The following RHOBTB1 variants were observed in gnomAD, a reference collection of about 807,000 sequenced individuals.
RHOBTB1 encodes Rho related BTB domain containing 1.
A neutral mutation model predicts 71.6 loss-of-function variants in RHOBTB1; 40 were observed. The observed-to-expected ratio is 0.56, with a 90% CI of 0.43 to 0.73. The LOEUF (loss-of-function observed/expected upper bound fraction) is 0.73. Among genes scored for constraint, RHOBTB1 ranks in the 30% least tolerant of loss-of-function variants. The pLI, the probability that RHOBTB1 is intolerant of heterozygous loss-of-function variation, is 0.00. For missense variants in RHOBTB1, 797 were observed against 894.0 expected, an observed-to-expected ratio of 0.89 and a Z score of 1.38; for synonymous variants, 319 against 334.9, an observed-to-expected ratio of 0.95 and a Z score of 0.52.
At chr10:60,861,951 C>A in the RHOBTB1 span, among the ~76,000 whole-genome samples, 1 of 152,174 alleles carries the variant, frequency 6.6e-6, no homozygotes, top group Admixed American at 6.5e-5. Context: ...CTGCAGCTGG[C>A]AGGGTTGCTT....
Position 60,889,114 on chromosome 10 carries a change from T to G in RHOBTB1, c.554A>C (p.Tyr185Ser). The change falls in exon 6 of 11, where the codon TAC becomes TCC. Residue 185 changes from tyrosine (Y) to serine (S), a missense_variant. Physicochemically the swap from Tyr to Ser is moderately radical, Grantham distance 144. Coordinates refer to ENST00000337910, the MANE Select transcript of RHOBTB1 (RefSeq NM_014836.5). ...REVAKELGLP[Y>S]YETSVFDQFG... ...CTGGTCAAACACGCTTGTTTCATAG[T>G]ATGGTAAGCCAAGTTCCTTTGCTAC... 6.2e-7 allele frequency: 1 copy of G among 1,614,156 alleles called. No individual in the cohort carries two copies. Among genetic ancestry groups the G allele is most frequent in the East Asian group, 2.2e-5 (1 of 44,880 alleles).
intron 4 of RHOBTB1, among the ~76,000 whole-genome samples, chr10:60,902,483 G>A (rs1477651538): frequency 2.0e-5 from 3 of 152,010 alleles, no homozygotes; most frequent in Non-Finnish European, 4.4e-5. Context: ...GATACCCAGA[G>A]GAGAAACAAC....
the RHOBTB1 span, among the ~76,000 whole-genome samples, chr10:60,863,707 AT>A: frequency 6.6e-6 from 1 of 151,808 alleles, no homozygotes; most frequent in Non-Finnish European, 1.5e-5. Flanking sequence ...TAATTTTTGT[AT>A]TTTTGGTAGA....
intron 4 of RHOBTB1, among the ~76,000 whole-genome samples, chr10:60,907,880 G>T (rs2133297893): frequency 6.6e-6 from 1 of 152,222 alleles, no homozygotes; most frequent in African/African-American, 2.4e-5. Flanking sequence ...CTCACTTGTT[G>T]GGCAAATTTA....
intron 1 of RHOBTB1, among the ~76,000 whole-genome samples, chr10:60,995,980 CACCAA>C (rs555430361): frequency 1.3e-5 from 2 of 152,216 alleles, no homozygotes; most frequent in East Asian, 3.9e-4. Context: ...CTGTGCTAAG[CACCAA>C]ACAACTTCAT....
intron 2 of RHOBTB1, among the ~76,000 whole-genome samples, chr10:60,972,079 A>G (rs1434181504): frequency 1.3e-5 from 2 of 152,200 alleles, no homozygotes; most frequent in Non-Finnish European, 2.9e-5. Flanking sequence ...GAATGCTTTT[A>G]CATTGTTGGT....
intron 4 of RHOBTB1, among the ~76,000 whole-genome samples, chr10:60,908,672 A>T (rs1391359021): frequency 6.6e-6 from 1 of 152,208 alleles, no homozygotes; most frequent in Non-Finnish European, 1.5e-5. Context: ...TTTCCATAAA[A>T]ATGTAACTTT....
At chr10:60,885,442 C>T (rs2081524775) in intron 7 of RHOBTB1, among the ~76,000 whole-genome samples, 1 of 152,170 alleles carries the variant, frequency 6.6e-6, no homozygotes, top group South Asian at 2.1e-4. Flanking sequence ...TCCGCTAGAC[C>T]TAAGTACCTT....
chr10:60,889,155 T>A lies in RHOBTB1; in HGVS notation c.513A>T (p.Pro171=), dbSNP rs747745633. ...RPIKRGDILP[P]EKGREVAKEL... ...CCTTTGCTACCTCTCGGCCTTTTTC[T>A]GGGGGCAAAATATCCCCTCTCTTTA... The change falls in exon 6 of 11, where the codon CCA becomes CCT. Residue 171 remains proline (P), a synonymous_variant. Transcript: ENST00000337910. The A allele has an allele frequency of 1.2e-6, 2 of 1,612,714 alleles. No homozygotes were observed. The highest frequency in any genetic ancestry group is 3.3e-5 in the Admixed American group (2 of 59,890).
chr10:60,871,798 C>T, intron 10 of RHOBTB1, 147 bp from the exon 11 acceptor site: 1 of 713,280 alleles, frequency 1.4e-6, no homozygotes, highest in Non-Finnish European at 2.3e-6. Flanking sequence ...AAAGGTGACA[C>T]TAACGTTCTG....
intron 2 of RHOBTB1, among the ~76,000 whole-genome samples, chr10:60,936,155 C>T (rs1367043526): frequency 2.0e-5 from 3 of 152,166 alleles, no homozygotes; most frequent in African/African-American, 7.2e-5. Flanking sequence ...GAGTAGAGTT[C>T]TGACGTACGT....
chr10:60,997,027 A>G (rs1364915198), intron 1 of RHOBTB1, among the ~76,000 whole-genome samples: 1 of 151,152 alleles, frequency 6.6e-6, no homozygotes, highest in African/African-American at 2.4e-5. Flanking sequence ...GCTTGATTTG[A>G]GCCAATATCA....
chr10:60,875,202 G>T (rs972748135), intron 8 of RHOBTB1, among the ~76,000 whole-genome samples, 160 bp from the exon 9 acceptor site: 2 of 152,128 alleles, frequency 1.3e-5, no homozygotes, highest in Non-Finnish European at 2.9e-5. Flanking sequence ...CTGATGTGTG[G>T]TCTTTCACTA....
chr10:60,886,725 GGT>G (rs1279948035), intron 6 of RHOBTB1, among the ~76,000 whole-genome samples: 11 of 140,412 alleles, frequency 7.8e-5, no homozygotes, highest in East Asian at 5.0e-4. Flanking sequence ...TGTGGGGGGG[GGT>G]GGGTCTGGCT....
Position 60,889,010 on chromosome 10 carries a change from G to T in RHOBTB1, c.658C>A (p.His220Asn), listed in dbSNP as rs2081768837. 1 of 1,613,968 alleles carries T rather than the reference G, an allele frequency of 6.2e-7. No homozygotes were observed. Among genetic ancestry groups the T allele is most frequent in the African/African-American group, 1.3e-5 (1 of 74,892 alleles). ...AAAGGTTTCTGGACTTTCTTTAGGTGGGATTTCCAGAATTGCAGGTGCCTG... is the reference window on the plus strand; with the variant it reads ...AAAGGTTTCTGGACTTTCTTTAGGTTGGATTTCCAGAATTGCAGGTGCCTG... ...SRRHLQFWKSHLKKVQKPLLQ... is the reference protein window; with the variant it reads ...SRRHLQFWKSNLKKVQKPLLQ... The change falls in exon 6 of 11, where the codon CAC (histidine) becomes AAC (asparagine). Residue 220 changes from histidine to asparagine, a missense_variant. Coordinates refer to ENST00000337910, the MANE Select transcript of RHOBTB1 (RefSeq NM_014836.5).
chr10:60,863,293 G>C, the RHOBTB1 span, among the ~76,000 whole-genome samples: 1 of 151,932 alleles, frequency 6.6e-6, no homozygotes, highest in Non-Finnish European at 1.5e-5. Flanking sequence ...TTATGTTTTA[G>C]GTTCTATAAC....
At position 60,975,822 on chromosome 10, in the gene RHOBTB1, T is replaced by C. The variant is rs923968597; in HGVS notation, c.-62+10023A>G. 1.5e-3 allele frequency among the ~76,000 whole-genome samples: 222 copies of C among 152,174 alleles called. 2 individuals carry two copies. The highest frequency in any genetic ancestry group is 0.014 in the Admixed American group (216 of 15,254). ...AATGAAAACAGAAACACTGTAATAA[T>C]GGGTTCTGAGATTACAAAACTGAGA... On this transcript the variant is annotated intron_variant, in intron 2 of 11. Transcript: ENST00000357917.
Position 60,932,392 on chromosome 10 carries a change from A to G in RHOBTB1, c.-11+9412T>C, listed in dbSNP as rs1449506043. 9.2e-5 allele frequency among the ~76,000 whole-genome samples: 14 copies of G among 151,688 alleles called. No individual in the cohort carries two copies. In the Admixed American group the frequency reaches 9.2e-4, roughly 10 times the overall value. On this transcript the variant is annotated intron_variant, in intron 2 of 10. Transcript: ENST00000337910. ...ACCAGAAGTAGGGCACTGGTGGTGTACTGGTTCTTGATCTAGGTGCCAGTT... is the reference window on the plus strand; with the variant it reads ...ACCAGAAGTAGGGCACTGGTGGTGTGCTGGTTCTTGATCTAGGTGCCAGTT...
chr10:60,874,040 C>T (rs987097018), intron 9 of RHOBTB1, among the ~76,000 whole-genome samples: 3 of 152,236 alleles, frequency 2.0e-5, no homozygotes, highest in African/African-American at 7.2e-5. Context: ...GCAGCACCTG[C>T]TGGATGCCAC....
Sources: allele counts gnomAD v4.1 joint callset (sites outside exome capture counted in the v4.1 genomes callset), GRCh38; gene constraint gnomAD v4.1.1; transcripts MANE v1.5; gene names NCBI Gene and HGNC (gene_info 2026-07-23, HGNC 2026-07-21).